The following KIF26B variants were observed in gnomAD, a reference collection of about 807,000 sequenced individuals.
KIF26B encodes the protein kinesin family member 26B, also known as kinesin-like protein KIF26B.
Under a neutral mutation model 151.2 loss-of-function variants are expected in KIF26B, and 63 were observed. The ratio of observed to expected loss-of-function variants is 0.42; its 90% CI spans 0.34 to 0.51. The LOEUF is 0.51. KIF26B is among the 20% of genes least tolerant of loss of function. KIF26B has a pLI of 0.07. For synonymous variants in KIF26B, 1,357 were observed against 1,262.1 expected, an observed-to-expected ratio of 1.08 and a Z score of -1.59; for missense variants, 2,813 against 2,913.6, an observed-to-expected ratio of 0.97 and a Z score of 0.79.
chr1:245,586,453 C>G (rs537362465), intron 5 of KIF26B, among the ~76,000 whole-genome samples: 48 of 152,306 alleles, frequency 3.2e-4, no homozygotes, highest in South Asian at 8.3e-4. Context: ...TTTTCCTTCT[C>G]TGTCCCTCCA....
chr1:245,489,362 A>G (rs1477875065), intron 4 of KIF26B, among the ~76,000 whole-genome samples: 1 of 152,218 alleles, frequency 6.6e-6, no homozygotes, highest in East Asian at 1.9e-4. Flanking sequence ...TAGGAACGAT[A>G]TTTGTACCTC....
At chr1:245,183,395 G>A (rs962093911) in intron 2 of KIF26B, among the ~76,000 whole-genome samples, 1 of 152,162 alleles carries the variant, frequency 6.6e-6, no homozygotes, top group Non-Finnish European at 1.5e-5. Flanking sequence ...TTTACTTCCA[G>A]ATTTTTGTCT....
intron 3 of KIF26B, among the ~76,000 whole-genome samples, chr1:245,401,883 A>G (rs953784878): frequency 1.9e-4 from 23 of 118,822 alleles, no homozygotes; most frequent in African/African-American, 1.2e-3. Flanking sequence ...ACAAACAAAC[A>G]AACAAAGAAA....
intron 2 of KIF26B, among the ~76,000 whole-genome samples, chr1:245,270,238 T>C (rs113514122): frequency 0.13 from 15,768 of 120,424 alleles, 1,425 homozygotes; most frequent in African/African-American, 0.16. Flanking sequence ...CCTTTCCCTT[T>C]CCTTTCTTCT....
At chr1:245,369,210 A>G (rs1673043779) in intron 3 of KIF26B, among the ~76,000 whole-genome samples, 1 of 152,078 alleles carries the variant, frequency 6.6e-6, no homozygotes, top group Admixed American at 6.6e-5. Flanking sequence ...AGACAGACAG[A>G]CAGACAGTTT....
chr1:245,364,888 T>C (rs1315828629), intron 2 of KIF26B, among the ~76,000 whole-genome samples: 1 of 152,208 alleles, frequency 6.6e-6, no homozygotes, highest in African/African-American at 2.4e-5. Context: ...AGAAACTGTA[T>C]CTTTGCATAT....
intron 10 of KIF26B, among the ~76,000 whole-genome samples, chr1:245,655,529 T>G (rs930702377): frequency 2.6e-5 from 4 of 152,184 alleles, no homozygotes; most frequent in African/African-American, 9.7e-5. Context: ...ATACTTGGTT[T>G]AAGAGAATTC....
intron 14 of KIF26B, among the ~76,000 whole-genome samples, chr1:245,700,776 A>G (rs993869395): frequency 2.0e-5 from 3 of 152,212 alleles, no homozygotes; most frequent in African/African-American, 7.2e-5. Flanking sequence ...CGAAGGCGCT[A>G]ATGGGGAGGG....
intron 2 of KIF26B, among the ~76,000 whole-genome samples, chr1:245,279,238 T>C (rs1485850854): frequency 2.0e-5 from 3 of 152,078 alleles, no homozygotes; most frequent in Non-Finnish European, 2.9e-5. Context: ...TCCTTCTGTA[T>C]TGTTTTAGGC....
intron 10 of KIF26B, among the ~76,000 whole-genome samples, chr1:245,661,065 C>A (rs1303637401): frequency 5.9e-5 from 9 of 151,476 alleles, no homozygotes; most frequent in Non-Finnish European, 1.2e-4. Context: ...TGGCTCACTG[C>A]AACCTCTGTC....
Position 245,367,860 on chromosome 1 carries a change from C to T in KIF26B, c.999+493C>T, listed in dbSNP as rs1673001599. Among the ~76,000 whole-genome samples the T allele has an allele frequency of 6.6e-6, 1 of 152,176 alleles. No individual in the cohort carries two copies. The highest frequency in any genetic ancestry group is 2.4e-5 in the African/African-American group (1 of 41,436). On this transcript the variant is annotated intron_variant, in intron 3 of 14. Transcript: ENST00000407071. This position sits in a 1 kb window ranked among gnomAD's most constrained non-coding sequence, Gnocchi z 4.2. ...CGAGAATTAAATAAGGTAGTGTTTGCATGACATGTAGGCCAACACCTGCCA... is the reference window on the plus strand; with the variant it reads ...CGAGAATTAAATAAGGTAGTGTTTGTATGACATGTAGGCCAACACCTGCCA...
intron 4 of KIF26B, among the ~76,000 whole-genome samples, chr1:245,439,300 T>C (rs1659007057): frequency 6.8e-6 from 1 of 147,482 alleles, no homozygotes; most frequent in Non-Finnish European, 1.5e-5. Context: ...TGAGCCATGA[T>C]TGTACCACTG....
At position 245,699,895 on chromosome 1, in the gene KIF26B, A is replaced by C. The variant is rs372061707; in HGVS notation, c.6178+858A>C. On this transcript the variant is annotated intron_variant, in intron 14 of 14. Transcript: ENST00000407071. ...AGGTGGAGGCTGGAAGCTTAGGTTTATGTTCCAAAGCAGCTGGTTGAAAAG... is the reference window on the plus strand; with the variant it reads ...AGGTGGAGGCTGGAAGCTTAGGTTTCTGTTCCAAAGCAGCTGGTTGAAAAG... Among the ~76,000 whole-genome samples the C allele has an allele frequency of 8.8e-4, 134 of 152,300 alleles. 2 individuals carry two copies. Among genetic ancestry groups the C allele is most frequent in the African/African-American group, 3.1e-3 (127 of 41,554 alleles).
At chr1:245,656,987 G>T (rs1436626986) in intron 10 of KIF26B, among the ~76,000 whole-genome samples, 1 of 152,146 alleles carries the variant, frequency 6.6e-6, no homozygotes, top group African/African-American at 2.4e-5. Flanking sequence ...TATAACAAAA[G>T]GAGAACCACA....
At chr1:245,511,925 A>C (rs1660846211) in intron 4 of KIF26B, among the ~76,000 whole-genome samples, 1 of 152,256 alleles carries the variant, frequency 6.6e-6, no homozygotes, top group Admixed American at 6.5e-5. Flanking sequence ...GAAATTTAAA[A>C]ATATGATCTG....
chr1:245,555,383 C>T (rs377472633), intron 5 of KIF26B, among the ~76,000 whole-genome samples: 5 of 152,188 alleles, frequency 3.3e-5, no homozygotes, highest in African/African-American at 1.2e-4. Flanking sequence ...TCGTCTCTTA[C>T]GTGTGCTTCT....
intron 4 of KIF26B, among the ~76,000 whole-genome samples, chr1:245,430,779 C>T (rs1410517455): frequency 6.6e-6 from 1 of 152,100 alleles, no homozygotes; most frequent in East Asian, 1.9e-4. Context: ...ATGAGTTGGC[C>T]GTGTTTTTAT....
At chr1:245,436,731 C>T (rs919443678) in intron 4 of KIF26B, among the ~76,000 whole-genome samples, 6 of 152,110 alleles carry the variant, frequency 3.9e-5, no homozygotes, top group African/African-American at 7.2e-5. Flanking sequence ...AACTGGACAC[C>T]GTAGCCTAGC....
rs1222809614 is a variant in KIF26B at position 245,688,500 on chromosome 1, C to T, written c.5517C>T (p.Asp1839=). 12 of 1,478,278 alleles carry T rather than the reference C, an allele frequency of 8.1e-6. No individual in the cohort carries two copies. Among genetic ancestry groups the T allele is most frequent in the Non-Finnish European group, 1.1e-5 (12 of 1,121,732 alleles). The allele number at this position is 1,478,278 out of a possible 1,614,324, so 91.6% of individuals were successfully genotyped here. ...CGCGCGGGGGGGCCCTGGCCGAGGACGAGCCCGCGGCCGCGCACCTGCTCC... is the reference window on the plus strand; with the variant it reads ...CGCGCGGGGGGGCCCTGGCCGAGGATGAGCCCGCGGCCGCGCACCTGCTCC... ...AEARGGALAE[D]EPAAAHLLPS... The change falls in exon 12 of 15, where the codon GAC becomes GAT. Residue 1839 remains aspartate (D), a synonymous_variant. Transcript: ENST00000407071.
Sources: allele counts gnomAD v4.1 joint callset (sites outside exome capture counted in the v4.1 genomes callset), GRCh38; gene constraint gnomAD v4.1.1; non-coding constraint Gnocchi (gnomAD v3.1); transcripts MANE v1.5; gene names NCBI Gene and HGNC (gene_info 2026-07-23, HGNC 2026-07-21).